Variants in ENPP3 observed in about 807,000 individuals in gnomAD.
The protein encoded by ENPP3 is ectonucleotide pyrophosphatase/phosphodiesterase 3.
A neutral mutation model predicts 117.8 loss-of-function variants in ENPP3; 104 were observed. The observed-to-expected ratio is 0.88, with a 90% CI of 0.75 to 1.04. The LOEUF is 1.04. Among genes scored for constraint, ENPP3 ranks in the 50% least tolerant of loss-of-function variants. The pLI is 0.00. For missense variants in ENPP3, 1,026 were observed against 1,051.9 expected, an observed-to-expected ratio of 0.98 and a Z score of 0.34; for synonymous variants, 380 against 349.9, an observed-to-expected ratio of 1.09 and a Z score of -0.96.
intron 18 of ENPP3, among the ~76,000 whole-genome samples, chr6:131,723,704 A>G (rs1780083881): frequency 6.6e-6 from 1 of 152,140 alleles, no homozygotes; most frequent in Non-Finnish European, 1.5e-5. Flanking sequence ...TATGCATATT[A>G]AAGCTTAAGG....
chr6:131,675,702 C>A (rs977324989), intron 9 of ENPP3, among the ~76,000 whole-genome samples: 1 of 151,942 alleles, frequency 6.6e-6, no homozygotes, highest in Non-Finnish European at 1.5e-5. Flanking sequence ...GGCATGGTGG[C>A]GCATTACCTC....
At chr6:131,741,287 G>A (rs187534893) in intron 24 of ENPP3, among the ~76,000 whole-genome samples, 1 of 152,192 alleles carries the variant, frequency 6.6e-6, no homozygotes, top group East Asian at 1.9e-4. Flanking sequence ...ATGCACAAAG[G>A]AGGAACACAT....
chr6:131,643,828 A>G (rs1406966392), intron 2 of ENPP3, among the ~76,000 whole-genome samples: 1 of 152,158 alleles, frequency 6.6e-6, no homozygotes, highest in Non-Finnish European at 1.5e-5. Context: ...TTAGCATGCA[A>G]GACAGACAAT....
intron 12 of ENPP3, among the ~76,000 whole-genome samples, chr6:131,685,032 C>T (rs747152905): frequency 2.6e-5 from 4 of 152,134 alleles, no homozygotes. Flanking sequence ...TGAGTTCCCC[C>T]CTCAGCCTCC....
intron 6 of ENPP3, among the ~76,000 whole-genome samples, chr6:131,662,887 A>G (rs749368844): frequency 2.6e-5 from 4 of 152,104 alleles, no homozygotes; most frequent in Non-Finnish European, 4.4e-5. Context: ...TATAGTTTTC[A>G]TATACAAGTC....
At chr6:131,735,986 A>C (rs1780389247) in intron 21 of ENPP3, among the ~76,000 whole-genome samples, 1 of 152,240 alleles carries the variant, frequency 6.6e-6, no homozygotes. Flanking sequence ...GTTCTTACCA[A>C]AATGAAATCA....
chr6:131,740,172 T>G, intron 23 of ENPP3, 52 bp from the exon 24 acceptor site: 1 of 1,411,382 alleles, frequency 7.1e-7, no homozygotes, highest in Non-Finnish European at 9.4e-7. Context: ...TTATCACCTT[T>G]AGAAACAAAA....
chr6:131,726,192 C>T lies in ENPP3; in HGVS notation c.1945C>T (p.Pro649Ser). The change falls in exon 20 of 25, where the codon CCC becomes TCC. Residue 649 changes from proline (P) to serine (S), a missense_variant. Physicochemically the swap from Pro to Ser is moderately conservative, Grantham distance 74. Transcript: ENST00000357639. ...GCCCATGTGGAGTTCATACACAGTCCCCCAGTTGGTAAGTTCCTGAGTCCA... is the reference window on the plus strand; with the variant it reads ...GCCCATGTGGAGTTCATACACAGTCTCCCAGTTGGTAAGTTCCTGAGTCCA... ...RMPMWSSYTV[P>S]QLGDTSPLPP... 1 of 1,613,248 alleles carries T rather than the reference C, an allele frequency of 6.2e-7. No individual in the cohort carries two copies. The highest frequency in any genetic ancestry group is 8.5e-7 in the Non-Finnish European group (1 of 1,179,518).
intron 20 of ENPP3, among the ~76,000 whole-genome samples, chr6:131,726,721 A>G (rs941514859): frequency 6.6e-6 from 1 of 152,154 alleles, no homozygotes; most frequent in Admixed American, 6.5e-5. Context: ...GGACAAATGC[A>G]TTATGTCACA....
chr6:131,645,244 AG>A (rs1778131083), intron 2 of ENPP3, among the ~76,000 whole-genome samples: 1 of 152,212 alleles, frequency 6.6e-6, no homozygotes, highest in Non-Finnish European at 1.5e-5. Context: ...TCAGGAAGTT[AG>A]GGTTTTCATC....
chr6:131,658,329 C>G lies in ENPP3; in HGVS notation c.471C>G (p.Asp157Glu), dbSNP rs1264483647. The change falls in exon 6 of 25, where the codon GAC (aspartate) becomes GAG (glutamate). Residue 157 changes from aspartate (D) to glutamate (E), a missense_variant. Coordinates refer to ENST00000357639, the MANE Select transcript of ENPP3 (RefSeq NM_005021.5). ...TTTTGTTTTCCATTTTCAGGTTTGACCTGCCACCAGTTATCTTGTTTTCTA... is the reference window on the plus strand; with the variant it reads ...TTTTGTTTTCCATTTTCAGGTTTGAGCTGCCACCAGTTATCTTGTTTTCTA... ...AQQSQCPEGF[D>E]LPPVILFSMD... 6.2e-7 allele frequency: 1 copy of G among 1,601,368 alleles called. No homozygotes were observed. The highest frequency in any genetic ancestry group is 2.2e-5 in the East Asian group (1 of 44,796).
intron 15 of ENPP3, among the ~76,000 whole-genome samples, chr6:131,698,301 G>C (rs1367454500): frequency 6.8e-6 from 1 of 146,666 alleles, no homozygotes; most frequent in Non-Finnish European, 1.5e-5. Flanking sequence ...GAGATTTTGA[G>C]TTCAGCTCCT....
intron 13 of ENPP3, 100 bp downstream of exon 13, chr6:131,685,595 A>G (rs56776570): frequency 0.022 from 26,103 of 1,177,708 alleles, 392 homozygotes; most frequent in African/African-American, 0.057. Context: ...CAGACCCTCT[A>G]CTGACTTCTT....
intron 2 of ENPP3, among the ~76,000 whole-genome samples, chr6:131,645,227 T>C (rs771922411): frequency 5.3e-5 from 8 of 152,222 alleles, no homozygotes; most frequent in Non-Finnish European, 1.5e-5. Flanking sequence ...GATCAAGGAA[T>C]GAAGTTTCAG....
At chr6:131,662,674 G>T (rs530799609) in intron 6 of ENPP3, among the ~76,000 whole-genome samples, 1 of 152,080 alleles carries the variant, frequency 6.6e-6, no homozygotes, top group African/African-American at 2.4e-5. Context: ...CAAGATTGTC[G>T]TGGTTATCTG....
In ENPP3 at chr6:131,693,618, C is replaced by T; in HGVS notation, c.1406C>T (p.Ala469Val). Reference protein sequence around the residue: ...VHLFVDQQWLAVRSKSNTNCG... With the variant: ...VHLFVDQQWLVVRSKSNTNCG... ...CTCTTTGTGGATCAACAGTGGCTGGCTGTTAGGTTCGTGTATCTGTTTACT... is the reference window on the plus strand; with the variant it reads ...CTCTTTGTGGATCAACAGTGGCTGGTTGTTAGGTTCGTGTATCTGTTTACT... Residue 469 changes from alanine to valine, a missense_variant, in exon 15 of 25, where the codon GCT (alanine) becomes GTT (valine). Ala to Val is a moderately conservative substitution (Grantham distance 64, BLOSUM62 0). Coordinates refer to ENST00000357639, the MANE Select transcript of ENPP3 (RefSeq NM_005021.5). 4 of 1,613,036 alleles carry T rather than the reference C, an allele frequency of 2.5e-6. No homozygotes were observed. Among genetic ancestry groups the T allele is most frequent in the Non-Finnish European group, 3.4e-6 (4 of 1,179,532 alleles).
At chr6:131,709,548 T>G in intron 15 of ENPP3, 1 of 1,613,996 alleles carries the variant, frequency 6.2e-7, no homozygotes, top group Non-Finnish European at 8.5e-7. Flanking sequence ...CTCTTTCAGT[T>G]AATTTTTGTT....
chr6:131,706,020 G>A (rs1779631392), intron 15 of ENPP3, among the ~76,000 whole-genome samples: 1 of 134,064 alleles, frequency 7.5e-6, no homozygotes, highest in Admixed American at 7.6e-5. Context: ...TAAACTTTTT[G>A]TCATTATTTT....
chr6:131,685,780 T>C, intron 13 of ENPP3, 96 bp from the exon 14 acceptor site: 1 of 676,828 alleles, frequency 1.5e-6, no homozygotes, highest in Non-Finnish European at 2.7e-6. Flanking sequence ...CAGTTATTAA[T>C]AAGTGAATGT....
Sources: gnomAD v4.1 joint callset for allele counts (sites outside exome capture counted in the v4.1 genomes callset) on GRCh38, gnomAD v4.1.1 for gene constraint, MANE v1.5 for transcripts, NCBI Gene and HGNC (gene_info 2026-07-23, HGNC 2026-07-21) for gene names.